Variants in TP53BP1 observed in about 807,000 individuals in gnomAD.
The protein encoded by TP53BP1 is TP53-binding protein 1.
A neutral mutation model predicts 200.8 loss-of-function variants in TP53BP1; 61 were observed. The ratio of observed to expected loss-of-function variants is 0.30; its 90% CI spans 0.25 to 0.38. TP53BP1 has a LOEUF of 0.38. Among genes scored for constraint, TP53BP1 ranks in the 10% least tolerant of loss-of-function variants. The pLI, the probability that TP53BP1 is intolerant of heterozygous loss-of-function variation, is 1.00. For missense variants in TP53BP1, 2,144 were observed against 2,371.9 expected (o/e 0.90, Z 2.00); for synonymous variants, 822 against 844.3 (o/e 0.97, Z 0.46).
At chr15:43,459,811 G>A (rs916764605) in intron 11 of TP53BP1, among the ~76,000 whole-genome samples, 2 of 151,946 alleles carry the variant, frequency 1.3e-5, no homozygotes, top group African/African-American at 2.4e-5. Context: ...GAATACAGGT[G>A]GGCGCCACAA....
At chr15:43,415,380 G>A in intron 23 of TP53BP1, 1 of 666,102 alleles carries the variant, frequency 1.5e-6, no homozygotes, top group South Asian at 1.6e-5. Flanking sequence ...AGCTAATTCT[G>A]GCCTTGCTAT....
At chr15:43,409,468 C>CTCTT (rs1319935434) in intron 25 of TP53BP1, 179 bp downstream of exon 25, 39 of 536,224 alleles carry the variant, frequency 7.3e-5, no homozygotes, top group African/African-American at 7.1e-4. Context: ...GTCCTACCTT[C>CTCTT]TCTTCCCTAT....
intron 15 of TP53BP1, among the ~76,000 whole-genome samples, chr15:43,438,702 T>C (rs1177116252): frequency 1.3e-5 from 1 of 78,026 alleles, no homozygotes; most frequent in African/African-American, 6.9e-5. Context: ...ATCTGTACCT[T>C]CAACAAATAA....
chr15:43,429,375 T>C (rs2045620939), intron 17 of TP53BP1, among the ~76,000 whole-genome samples: 2 of 152,274 alleles, frequency 1.3e-5, no homozygotes, highest in South Asian at 2.1e-4. Context: ...CACATCTTTA[T>C]CCTCCCTCCT....
At chr15:43,474,320 G>A (rs1375843813) in intron 10 of TP53BP1, among the ~76,000 whole-genome samples, 1 of 152,196 alleles carries the variant, frequency 6.6e-6, no homozygotes, top group East Asian at 1.9e-4. Flanking sequence ...CCCAGAAAGG[G>A]GATCCCACAG....
At chr15:43,484,429 A>G (rs1295782696) in intron 4 of TP53BP1, among the ~76,000 whole-genome samples, 1 of 152,120 alleles carries the variant, frequency 6.6e-6, no homozygotes, top group Non-Finnish European at 1.5e-5. Context: ...CTTTCAGTCT[A>G]TTCTTAATCA....
At chr15:43,410,360 T>C (rs1228737421) in intron 24 of TP53BP1, among the ~76,000 whole-genome samples, 5 of 152,154 alleles carry the variant, frequency 3.3e-5, no homozygotes, top group Admixed American at 3.3e-4. Context: ...ACTATCTACC[T>C]TTGATGATCT....
chr15:43,467,841 T>C (rs2046625019), intron 11 of TP53BP1, among the ~76,000 whole-genome samples: 2 of 151,904 alleles, frequency 1.3e-5, no homozygotes, highest in Admixed American at 6.6e-5. Context: ...TGCAGTGCAG[T>C]GGCGCGATCT....
intron 15 of TP53BP1, among the ~76,000 whole-genome samples, chr15:43,440,243 A>G (rs1000265193): frequency 3.3e-5 from 5 of 152,198 alleles, no homozygotes; most frequent in African/African-American, 7.2e-5. Context: ...CACATGGACC[A>G]TACATTCAGT....
At chr15:43,458,234 C>T (rs1015994890) in intron 11 of TP53BP1, among the ~76,000 whole-genome samples, 2 of 150,932 alleles carry the variant, frequency 1.3e-5, no homozygotes, top group Non-Finnish European at 2.9e-5. Context: ...AAGTTCGAGA[C>T]CAACCTGGCC....
rs2045167155 is a variant in TP53BP1 at position 43,413,113 on chromosome 15, C to T, written c.5305+6G>A. On this transcript the variant is annotated splice_donor_region_variant and intron_variant, in intron 24 of 27. Coordinates refer to ENST00000382044, the MANE Select transcript of TP53BP1 (RefSeq NM_001141980.3). ...TCAGAGCTCCCAGGGCTTCCTAAGG[C>T]CTTACCCTCCTCTTCTTCACTGCTT... is the stretch of plus-strand genomic sequence containing the variant. 6.2e-7 allele frequency: 1 copy of T among 1,614,082 alleles called. No individual in the cohort carries two copies. Among genetic ancestry groups the T allele is most frequent in the African/African-American group, 1.3e-5 (1 of 75,040 alleles).
chr15:43,454,705 T>G (rs2046254157), intron 12 of TP53BP1, among the ~76,000 whole-genome samples: 1 of 151,904 alleles, frequency 6.6e-6, no homozygotes, highest in South Asian at 2.1e-4. Context: ...TTGAATTATT[T>G]TCAGCTAATG....
chr15:43,476,785 T>C (rs1483140241), intron 8 of TP53BP1, among the ~76,000 whole-genome samples: 1 of 152,232 alleles, frequency 6.6e-6, no homozygotes, highest in East Asian at 1.9e-4. Context: ...ACTCAAGCTT[T>C]CTAGCTCTCT....
At chr15:43,435,602 T>C (rs1244338141) in intron 16 of TP53BP1, among the ~76,000 whole-genome samples, 1 of 152,240 alleles carries the variant, frequency 6.6e-6, no homozygotes, top group African/African-American at 2.4e-5. Context: ...CTCACACTTA[T>C]TCAGAATGCC....
At position 43,438,324 on chromosome 15, in the gene TP53BP1, C is replaced by G; in HGVS notation, c.3191G>C (p.Arg1064Thr). 2.5e-6 allele frequency: 4 copies of G among 1,613,022 alleles called. No homozygotes were observed. Among genetic ancestry groups the G allele is most frequent in the Non-Finnish European group, 3.4e-6 (4 of 1,179,530 alleles). Residue 1064 changes from arginine (R) to threonine (T), a missense_variant and splice_region_variant, in exon 16 of 28, where the codon AGG becomes ACG. Arg to Thr is a moderately conservative substitution (Grantham distance 71, BLOSUM62 -1). Transcript: ENST00000382044. ...AAGATTCTATAAAAATAATGCTTACCTGATGGGTGTGGTGGGGGGATCCTC... is the reference window on the plus strand; with the variant it reads ...AAGATTCTATAAAAATAATGCTTACGTGATGGGTGTGGTGGGGGGATCCTC... The part of the protein sequence containing the change: ...RSEDPPTTPI[R>T]GNLLHFPSSQ...
chr15:43,506,690 AG>A (rs373781269), intron 1 of TP53BP1, among the ~76,000 whole-genome samples: 2 of 152,322 alleles, frequency 1.3e-5, no homozygotes, highest in African/African-American at 2.4e-5. Context: ...TGGTCATTCC[AG>A]GGGGTCAATA....
chr15:43,492,656 C>G (rs2439850), intron 1 of TP53BP1, among the ~76,000 whole-genome samples, 188 bp from the exon 2 acceptor site: 42,597 of 151,686 alleles, frequency 0.28, 10,142 homozygotes, highest in African/African-American at 0.65. Flanking sequence ...GTCACCATTC[C>G]TCGTTATTTA....
intron 4 of TP53BP1, among the ~76,000 whole-genome samples, chr15:43,491,304 C>T (rs184684547): frequency 4.8e-4 from 73 of 152,228 alleles, no homozygotes; most frequent in Non-Finnish European, 8.2e-4. Flanking sequence ...TGGTCTCAAA[C>T]TCCTGACCTC....
chr15:43,480,082 T>C, intron 5 of TP53BP1, 65 bp from the exon 6 acceptor site: 1 of 1,489,166 alleles, frequency 6.7e-7, no homozygotes, highest in Non-Finnish European at 9.2e-7. Flanking sequence ...CAAGCTGCTG[T>C]CCTCAGCAAA....
Sources: allele counts gnomAD v4.1 joint callset (sites outside exome capture counted in the v4.1 genomes callset), GRCh38; gene constraint gnomAD v4.1.1; transcripts MANE v1.5; gene names NCBI Gene and HGNC (gene_info 2026-07-23, HGNC 2026-07-21).